Variants in CFLAR observed in about 807,000 individuals in gnomAD.
CFLAR encodes the protein CASP8 and FADD like apoptosis regulator.
Under a neutral mutation model 51.1 loss-of-function variants are expected in CFLAR, and 14 were observed. That is an observed-to-expected ratio of 0.27 (90% CI 0.18 to 0.43). The LOEUF (loss-of-function observed/expected upper bound fraction) is 0.43. Among genes scored for constraint, CFLAR ranks in the 20% least tolerant of loss-of-function variants. The probability of loss-of-function intolerance (pLI) is 1.00; values close to 1 mark genes in which losing one functional copy is unlikely to be tolerated. For synonymous variants in CFLAR, 210 were observed against 211.6 expected (o/e 0.99, Z 0.06); for missense variants, 390 against 566.5 (o/e 0.69, Z 3.16).
At chr2:201,121,508 A>G (rs905477251) in intron 1 of CFLAR, among the ~76,000 whole-genome samples, 4 of 152,202 alleles carry the variant, frequency 2.6e-5, no homozygotes, top group African/African-American at 9.7e-5. Context: ...AGACTGAAGC[A>G]AGTGGGGAAT....
At chr2:201,160,065 G>A (rs1300461914) in intron 8 of CFLAR, among the ~76,000 whole-genome samples, 1 of 152,154 alleles carries the variant, frequency 6.6e-6, no homozygotes, top group Non-Finnish European at 1.5e-5. Context: ...CTCCCAGAGT[G>A]AGCCACTCAG....
At chr2:201,120,877 T>C (rs1197386251) in intron 1 of CFLAR, among the ~76,000 whole-genome samples, 1 of 152,210 alleles carries the variant, frequency 6.6e-6, no homozygotes, top group Non-Finnish European at 1.5e-5. Flanking sequence ...CCTGACAGTC[T>C]CTTGCTTGAA....
chr2:201,138,582 G>T lies in CFLAR; in HGVS notation c.524-1775G>T. 6.3e-7 allele frequency: 1 copy of T among 1,594,860 alleles called. No homozygotes were observed. Among genetic ancestry groups the T allele is most frequent in the Non-Finnish European group, 8.5e-7 (1 of 1,176,648 alleles). ...AGCAAGAAAGTCGATGTCTCGGGAGGTGACGATGCCCACCAGCTTGCTGCC... is the reference window on the plus strand; with the variant it reads ...AGCAAGAAAGTCGATGTCTCGGGAGTTGACGATGCCCACCAGCTTGCTGCC... On this transcript the variant is annotated intron_variant, in intron 4 of 9. Coordinates refer to ENST00000309955, the MANE Select transcript of CFLAR (RefSeq NM_003879.7). This position sits in a 1 kb window ranked among gnomAD's most constrained non-coding sequence, Gnocchi z 4.0.
intron 2 of CFLAR, among the ~76,000 whole-genome samples, chr2:201,132,430 A>AT (rs371824673): frequency 8.0e-5 from 11 of 137,964 alleles, no homozygotes; most frequent in East Asian, 4.1e-4. Flanking sequence ...GGGGGGGAAA[A>AT]ATATATATAT....
intron 1 of CFLAR, 82 bp from the exon 2 acceptor site, chr2:201,129,647 C>T: frequency 1.9e-6 from 1 of 529,756 alleles, no homozygotes; most frequent in Non-Finnish European, 3.4e-6. Flanking sequence ...GGAGACCACC[C>T]AGAAGGAAAG....
chr2:201,127,589 G>A (rs2125644818), intron 1 of CFLAR, among the ~76,000 whole-genome samples: 1 of 152,122 alleles, frequency 6.6e-6, no homozygotes, highest in South Asian at 2.1e-4. Context: ...GTGATTATTC[G>A]GACCCCAGCC....
Position 201,116,477 on chromosome 2 carries a change from G to A in CFLAR, c.-142G>A, listed in dbSNP as rs958415268. ...GCGGCAGGAGAGTCCGGCCGCGACA[G>A]GACGGTACGTGCCCCGCGCTCGACC... On this transcript the variant is annotated 5_prime_UTR_variant, in exon 1 of 10. Transcript: ENST00000309955. This position sits in a 1 kb window ranked among gnomAD's most constrained non-coding sequence, Gnocchi z 4.8. 2 of 152,378 alleles carry A rather than the reference G, an allele frequency of 1.3e-5. No individual in the cohort carries two copies. The highest frequency in any genetic ancestry group is 4.8e-5 in the African/African-American group (2 of 41,474). 9.4% of individuals were successfully genotyped at this position (152,378 alleles called of 1,614,324 possible). A position where few individuals can be genotyped will look rare whatever the true frequency, so the allele number is the denominator to read the frequency against.
chr2:201,147,564 A>T (rs921847533), intron 6 of CFLAR, among the ~76,000 whole-genome samples: 2 of 150,762 alleles, frequency 1.3e-5, no homozygotes, highest in African/African-American at 4.9e-5. Flanking sequence ...CTTGGGCTTA[A>T]TTTAATAGAA....
intron 5 of CFLAR, chr2:201,141,644 A>G: frequency 7.8e-7 from 1 of 1,284,198 alleles, no homozygotes; most frequent in Non-Finnish European, 9.9e-7. Flanking sequence ...ATTTCAGCAA[A>G]AGTTATTTTG....
At chr2:201,143,941 C>T (rs1382056349) in intron 5 of CFLAR, among the ~76,000 whole-genome samples, 1 of 151,512 alleles carries the variant, frequency 6.6e-6, no homozygotes, top group East Asian at 1.9e-4. Flanking sequence ...CAGAGTGAGA[C>T]TCTGTCTCAA....
In CFLAR at chr2:201,129,965, C is replaced by A; in HGVS notation, c.100C>A (p.Pro34Thr). ...CCGGGATGTTGCTATAGATGTGGTT[C>A]CACCTAATGTCAGGGACCTTCTGGA... ...LCRDVAIDVVPPNVRDLLDIL... is the reference protein window; with the variant it reads ...LCRDVAIDVVTPNVRDLLDIL... Residue 34 changes from proline (P) to threonine (T), a missense_variant, in exon 2 of 10, where the codon CCA becomes ACA. This residue lies in a region of CFLAR where 103 missense variants were observed against 202.9 expected (regional missense o/e 0.51). Coordinates refer to ENST00000309955, the MANE Select transcript of CFLAR (RefSeq NM_003879.7). 3.1e-6 allele frequency: 5 copies of A among 1,614,152 alleles called. No homozygotes were observed. The highest frequency in any genetic ancestry group is 3.4e-6 in the Non-Finnish European group (4 of 1,180,032).
At chr2:201,155,410 A>G (rs557983372) in intron 8 of CFLAR, among the ~76,000 whole-genome samples, 6 of 151,790 alleles carry the variant, frequency 4.0e-5, no homozygotes, top group African/African-American at 1.2e-4. Context: ...GATTACAGGC[A>G]CCCGCCATCA....
chr2:201,139,024 C>G, intron 4 of CFLAR: 1 of 465,140 alleles, frequency 2.1e-6, no homozygotes, highest in South Asian at 1.6e-5. Flanking sequence ...AAAGAGAGAT[C>G]AGATTGTTAC....
In CFLAR at chr2:201,135,959, G is replaced by C; in HGVS notation, c.388-13G>C. ...CTCTATTGACATTTGTTTTTTGTTG[G>C]TGGTTCTCTTAGAGTTTCTTGGACC... is the stretch of plus-strand genomic sequence containing the variant. On this transcript the variant is annotated splice_polypyrimidine_tract_variant and intron_variant, in intron 3 of 9. Transcript: ENST00000309955. 1 of 1,602,406 alleles carries C rather than the reference G, an allele frequency of 6.2e-7. No individual in the cohort carries two copies.
chr2:201,154,457 T>TGAGCTGGGATTCAA (rs1161920394), intron 8 of CFLAR: 1 of 152,272 alleles, frequency 6.6e-6, no homozygotes, highest in Non-Finnish European at 1.5e-5. Context: ...TAGTACTGAT[T>TGAGCTGGGATTCAA]GAGCTGGGAT....
intron 8 of CFLAR, among the ~76,000 whole-genome samples, chr2:201,151,649 T>G (rs1012074187): frequency 6.6e-6 from 1 of 152,172 alleles, no homozygotes. Context: ...GTAATTGTCC[T>G]GTACTTCTGG....
intron 3 of CFLAR, among the ~76,000 whole-genome samples, chr2:201,134,063 C>T (rs2125697786): frequency 6.6e-6 from 1 of 151,552 alleles, no homozygotes; most frequent in African/African-American, 2.4e-5. Flanking sequence ...AATCCTAGCA[C>T]TTTGGGAGAC....
chr2:201,152,864 C>T (rs1387108209), intron 8 of CFLAR: 1 of 152,546 alleles, frequency 6.6e-6, no homozygotes, highest in Non-Finnish European at 1.5e-5. Context: ...GAATTGGAGG[C>T]AGAGCCTGGG....
chr2:201,145,914 T>C (rs1257893294), intron 6 of CFLAR, among the ~76,000 whole-genome samples: 1 of 152,198 alleles, frequency 6.6e-6, no homozygotes, highest in Non-Finnish European at 1.5e-5. Context: ...GCATGAGCTG[T>C]TTTCTCTCTT....
Sources: allele counts gnomAD v4.1 joint callset (sites outside exome capture counted in the v4.1 genomes callset), GRCh38; gene constraint gnomAD v4.1.1; regional missense constraint gnomAD v4.1.1; non-coding constraint Gnocchi (gnomAD v3.1); transcripts MANE v1.5; gene names NCBI Gene and HGNC (gene_info 2026-07-23, HGNC 2026-07-21).